MAT2B: variants seen among roughly 807,000 people sequenced by gnomAD.
MAT2B encodes methionine adenosyltransferase 2 non-catalytic beta subunit.
In MAT2B, 16 loss-of-function variants were observed where a neutral mutation model predicts 36.1. The ratio of observed to expected loss-of-function variants is 0.44; its 90% CI spans 0.30 to 0.67. The LOEUF is 0.67. Among genes scored for constraint, MAT2B ranks in the 30% least tolerant of loss-of-function variants. The pLI, the probability that MAT2B is intolerant of heterozygous loss-of-function variation, is 0.09. For synonymous variants in MAT2B, 148 were observed against 136.9 expected, an observed-to-expected ratio of 1.08 and a Z score of -0.57; for missense variants, 332 against 398.2, an observed-to-expected ratio of 0.83 and a Z score of 1.42.
At chr5:163,505,403 A>G (rs761601863), upstream of MAT2B, 3 of 631,024 alleles carry the variant, frequency 4.8e-6, no homozygotes, top group African/African-American at 3.8e-5. Context: ...TCTCCGAAAC[A>G]AAACCTGAAT....
rs867043819 is a variant in MAT2B, at chr5:163,514,063, T to C, written c.526+69T>C. Reference sequence around the variant, plus strand: ...TAAAAATCATTTATACATACACATATATATGTTTTAAATTTAAAAAGTCAA... The same window carrying C: ...TAAAAATCATTTATACATACACATACATATGTTTTAAATTTAAAAAGTCAA... On this transcript the variant is annotated intron_variant, in intron 4 of 6. Transcript: ENST00000321757. 5 of 1,232,870 alleles carry C rather than the reference T, an allele frequency of 4.1e-6. No individual in the cohort carries two copies. The Middle Eastern group carries it at 1.0e-3, about 249-fold the overall frequency. 76.4% of individuals were successfully genotyped at this position (1,232,870 alleles called of 1,614,324 possible). A position where few individuals can be genotyped will look rare whatever the true frequency, so the allele number is the denominator to read the frequency against.
chr5:163,509,801 A>T (rs1399137568), intron 1 of MAT2B, among the ~76,000 whole-genome samples: 5 of 152,188 alleles, frequency 3.3e-5, no homozygotes, highest in Non-Finnish European at 5.9e-5. Context: ...CAAAGAAAAT[A>T]TTTTGTTGGC....
intron 2 of MAT2B, chr5:163,513,273 A>G: frequency 3.8e-6 from 1 of 259,970 alleles, no homozygotes; most frequent in South Asian, 6.2e-5. Context: ...TACATGCATG[A>G]ACCGTCACAC....
chr5:163,511,548 GC>G (rs1466032558), intron 1 of MAT2B, among the ~76,000 whole-genome samples: 2 of 149,412 alleles, frequency 1.3e-5, no homozygotes, highest in African/African-American at 4.9e-5. Flanking sequence ...CTCGCAAAGT[GC>G]TGGGATTAAA....
intron 1 of MAT2B, among the ~76,000 whole-genome samples, chr5:163,509,185 T>C (rs1759996296): frequency 6.7e-6 from 1 of 149,388 alleles, no homozygotes; most frequent in Admixed American, 6.6e-5. Flanking sequence ...ATTTAACAGA[T>C]GTTAAAATGA....
intron 6 of MAT2B, 160 bp downstream of exon 6, chr5:163,517,834 T>G (rs1760156857): frequency 1.8e-6 from 1 of 544,782 alleles, no homozygotes; most frequent in East Asian, 2.8e-5. Flanking sequence ...GTAGAGAAGA[T>G]CATGAGTATT....
intron 5 of MAT2B, chr5:163,517,069 A>G (rs1760144717): frequency 2.9e-6 from 1 of 350,554 alleles, no homozygotes; most frequent in Non-Finnish European, 5.1e-6. Context: ...GGTATTAAAT[A>G]TAATATCCAT....
chr5:163,507,555 C>T (rs1759967420), intron 1 of MAT2B, among the ~76,000 whole-genome samples: 1 of 152,142 alleles, frequency 6.6e-6, no homozygotes, highest in Non-Finnish European at 1.5e-5. Flanking sequence ...AAAAAGTAGA[C>T]TTCAGGCAAA....
chr5:163,515,388 C>T (rs924457046), intron 4 of MAT2B, among the ~76,000 whole-genome samples: 1 of 152,150 alleles, frequency 6.6e-6, no homozygotes, highest in Non-Finnish European at 1.5e-5. Flanking sequence ...TGTTTTGTCA[C>T]ATTTGTTTTA....
At position 163,516,477 on chromosome 5, in the gene MAT2B, A is replaced by G. The variant is rs1760134676; in HGVS notation, c.527-41A>G. ...CTTGTATCTTACATCAAAATTTAAGAATCAGTCAGCTTTAAATTATTTGCT... is the reference window on the plus strand; with the variant it reads ...CTTGTATCTTACATCAAAATTTAAGGATCAGTCAGCTTTAAATTATTTGCT... On this transcript the variant is annotated intron_variant, in intron 4 of 6. Coordinates refer to ENST00000321757, the MANE Select transcript of MAT2B (RefSeq NM_013283.5). 2.0e-6 allele frequency: 3 copies of G among 1,527,590 alleles called. No individual in the cohort carries two copies. In the African/African-American group the frequency reaches 4.1e-5, roughly 21 times the overall value. The allele number at this position is 1,527,590 out of a possible 1,614,324, so 94.6% of individuals were successfully genotyped here. A position where few individuals can be genotyped will look rare whatever the true frequency, so the allele number is the denominator to read the frequency against.
rs1355961921 is a variant in MAT2B at position 163,505,761 on chromosome 5, G to C, written c.63+12G>C. Reference sequence around the variant, plus strand: ...GTCGGCTGGTGGAGGTGAGGGAGTCGGCCTGGGCGTCTCCGGTGGGAGCGG... The same window carrying C: ...GTCGGCTGGTGGAGGTGAGGGAGTCCGCCTGGGCGTCTCCGGTGGGAGCGG... On this transcript the variant is annotated intron_variant, in intron 1 of 6. Coordinates refer to ENST00000321757, the MANE Select transcript of MAT2B (RefSeq NM_013283.5). The C allele has an allele frequency of 3.2e-6, 4 of 1,267,638 alleles. No homozygotes were observed. Among genetic ancestry groups the C allele is most frequent in the Non-Finnish European group, 3.0e-6 (3 of 999,786 alleles). The allele number at this position is 1,267,638 out of a possible 1,614,324, so 78.5% of individuals were successfully genotyped here. A position where few individuals can be genotyped will look rare whatever the true frequency, so the allele number is the denominator to read the frequency against.
At chr5:163,505,609 C>T, upstream of MAT2B, 2 of 1,248,796 alleles carry the variant, frequency 1.6e-6, no homozygotes, top group Non-Finnish European at 1.0e-6. Flanking sequence ...GGGCCGAGGG[C>T]GTCTGAGCTG....
chr5:163,509,926 T>C (rs1486221231), intron 1 of MAT2B, among the ~76,000 whole-genome samples: 1 of 152,208 alleles, frequency 6.6e-6, no homozygotes, highest in Non-Finnish European at 1.5e-5. Context: ...TAAGGAAAAA[T>C]AATCCTAAGA....
At chr5:163,517,446 A>C (rs1005433779) in intron 5 of MAT2B, 115 bp from the exon 6 acceptor site, 2 of 554,200 alleles carry the variant, frequency 3.6e-6, no homozygotes, top group Middle Eastern at 7.8e-4. Flanking sequence ...CTTTCCAGAA[A>C]AAGAGGGTTG....
intron 2 of MAT2B, chr5:163,513,337 T>C: frequency 2.4e-6 from 1 of 419,726 alleles, no homozygotes; most frequent in East Asian, 3.9e-5. Context: ...GTCTGCATAT[T>C]ATGAAATACT....
intron 6 of MAT2B, 153 bp from the exon 7 acceptor site, chr5:163,518,040 C>T: frequency 1.8e-6 from 1 of 560,714 alleles, no homozygotes; most frequent in Non-Finnish European, 3.0e-6. Flanking sequence ...ATCCCTTGAG[C>T]CCAGGAATTT....
intron 1 of MAT2B, among the ~76,000 whole-genome samples, chr5:163,508,444 G>T (rs1658897847): frequency 6.6e-6 from 1 of 151,740 alleles, no homozygotes; most frequent in Non-Finnish European, 1.5e-5. Context: ...CACCATGTTG[G>T]CCAGGCTGGT....
intron 1 of MAT2B, among the ~76,000 whole-genome samples, chr5:163,508,396 C>G (rs575961969): frequency 1.3e-5 from 2 of 150,752 alleles, no homozygotes; most frequent in Admixed American, 1.3e-4. Context: ...CACCACCATG[C>G]CCGACTAGTT....
Position 163,518,182 on chromosome 5 carries a change from T to G in MAT2B, c.835-11T>G, listed in dbSNP as rs1760161188. The G allele has an allele frequency of 1.3e-6, 2 of 1,576,460 alleles. No individual in the cohort carries two copies. Among genetic ancestry groups the G allele is most frequent in the African/African-American group, 1.4e-5 (1 of 73,076 alleles). ...TACTTTTGATTTTTTTGTGTTTATC[T>G]TTCTTTAAAGATTACTGACAGCCCT... On this transcript the variant is annotated splice_polypyrimidine_tract_variant and intron_variant, in intron 6 of 6. Transcript: ENST00000321757.
Sources: allele counts gnomAD v4.1 joint callset (sites outside exome capture counted in the v4.1 genomes callset), GRCh38; gene constraint gnomAD v4.1.1; transcripts MANE v1.5; gene names NCBI Gene and HGNC (gene_info 2026-07-23, HGNC 2026-07-21).